The following GBP7 variants were observed in gnomAD, a reference collection of about 807,000 sequenced individuals.
The protein encoded by GBP7 is guanylate binding protein 7.
Under a neutral mutation model 61.3 loss-of-function variants are expected in GBP7, and 43 were observed. That is an observed-to-expected ratio of 0.70 (90% confidence interval 0.55 to 0.91). The LOEUF is 0.91. GBP7 is among the 40% of genes least tolerant of loss of function. The pLI is 0.00. For synonymous variants in GBP7, 267 were observed against 271.0 expected, an observed-to-expected ratio of 0.99 and a Z score of 0.14; for missense variants, 717 against 740.5, an observed-to-expected ratio of 0.97 and a Z score of 0.37.
At chr1:89,143,890 A>G (rs1462616054) in intron 8 of GBP7, among the ~76,000 whole-genome samples, 1 of 152,116 alleles carries the variant, frequency 6.6e-6, no homozygotes, top group East Asian at 1.9e-4. Context: ...AAATAGCCCA[A>G]CTTGATCAAT....
chr1:89,149,646 A>C, intron 6 of GBP7, 74 bp from the exon 7 acceptor site: 1 of 1,296,420 alleles, frequency 7.7e-7, no homozygotes, highest in Admixed American at 2.6e-5. Context: ...ATGTATCAGC[A>C]TTCTAAAAAT....
At chr1:89,149,054 T>C (rs917635081) in intron 7 of GBP7, among the ~76,000 whole-genome samples, 2 of 152,190 alleles carry the variant, frequency 1.3e-5, no homozygotes, top group Non-Finnish European at 2.9e-5. Context: ...AGTTAGTATG[T>C]TGTATAAATG....
At chr1:89,140,974 A>T (rs970323478) in intron 9 of GBP7, among the ~76,000 whole-genome samples, 1 of 152,216 alleles carries the variant, frequency 6.6e-6, no homozygotes, top group Non-Finnish European at 1.5e-5. Flanking sequence ...ACATGTTCTT[A>T]CTTATGAGTG....
chr1:89,136,811 T>C (rs981031012), intron 9 of GBP7, among the ~76,000 whole-genome samples: 4 of 151,756 alleles, frequency 2.6e-5, no homozygotes, highest in Admixed American at 2.6e-4. Flanking sequence ...AAAATCAGAC[T>C]TGAAGTGAAT....
At chr1:89,157,438 A>G (rs747744593) in intron 3 of GBP7, among the ~76,000 whole-genome samples, 9 of 152,192 alleles carry the variant, frequency 5.9e-5, no homozygotes, top group Non-Finnish European at 1.2e-4. Flanking sequence ...GAAAAGATCA[A>G]CAAAATTGAT....
intron 2 of GBP7, among the ~76,000 whole-genome samples, chr1:89,167,095 TTC>T (rs1376193881): frequency 6.6e-6 from 1 of 152,174 alleles, no homozygotes; most frequent in Non-Finnish European, 1.5e-5. Context: ...GAGAACTACT[TTC>T]TCTCTTGTTA....
intron 8 of GBP7, among the ~76,000 whole-genome samples, chr1:89,143,514 A>T (rs1047021875): frequency 1.3e-5 from 2 of 152,186 alleles, no homozygotes; most frequent in Non-Finnish European, 2.9e-5. Flanking sequence ...TAGGATCTAC[A>T]TTTAATTTTT....
chr1:89,141,508 C>CT (rs767567109), intron 9 of GBP7, 38 bp downstream of exon 9: 4 of 1,563,056 alleles, frequency 2.6e-6, no homozygotes, highest in South Asian at 2.2e-5. Flanking sequence ...TTGCAAGAAC[C>CT]TACCCATTTG....
chr1:89,164,070 A>C (rs933540232), intron 3 of GBP7, among the ~76,000 whole-genome samples: 22 of 152,030 alleles, frequency 1.4e-4, no homozygotes. Flanking sequence ...GGGTTTCACC[A>C]TGTTGGCTAG....
At chr1:89,138,402 T>C (rs1431685413) in intron 9 of GBP7, among the ~76,000 whole-genome samples, 1 of 151,980 alleles carries the variant, frequency 6.6e-6, no homozygotes, top group African/African-American at 2.4e-5. Context: ...ATCACATGAC[T>C]TGAGTTTAAA....
intron 3 of GBP7, among the ~76,000 whole-genome samples, chr1:89,159,215 A>G (rs1475813298): frequency 2.0e-5 from 3 of 152,162 alleles, no homozygotes; most frequent in Admixed American, 6.6e-5. Flanking sequence ...ATTAATTGAA[A>G]TGGATTAAAG....
At chr1:89,165,803 A>T (rs960886268) in intron 2 of GBP7, among the ~76,000 whole-genome samples, 1 of 152,072 alleles carries the variant, frequency 6.6e-6, no homozygotes, top group Non-Finnish European at 1.5e-5. Flanking sequence ...GTATTAGGAG[A>T]AATGCCTAAT....
intron 8 of GBP7, among the ~76,000 whole-genome samples, 180 bp downstream of exon 8, chr1:89,147,386 AT>A (rs1682093883): frequency 6.6e-6 from 1 of 152,196 alleles, no homozygotes; most frequent in African/African-American, 2.4e-5. Flanking sequence ...GGGAAAAAAA[AT>A]AGTTCTGTTT....
chr1:89,138,718 A>G (rs1681868518), intron 9 of GBP7, among the ~76,000 whole-genome samples: 1 of 152,190 alleles, frequency 6.6e-6, no homozygotes, highest in East Asian at 1.9e-4. Flanking sequence ...ATTTAAAACT[A>G]TAAAACCACC....
intron 5 of GBP7, 43 bp downstream of exon 5, chr1:89,152,225 A>T (rs763585504): frequency 6.3e-7 from 1 of 1,577,370 alleles, no homozygotes; most frequent in African/African-American, 1.3e-5. Flanking sequence ...AGTTGATCCC[A>T]CCCGCTACTG....
At chr1:89,149,856 G>GA (rs59262730) in intron 6 of GBP7, among the ~76,000 whole-genome samples, 1,840 of 143,906 alleles carry the variant, frequency 0.013, 32 homozygotes, top group African/African-American at 0.041. Flanking sequence ...AGGGTTTCTT[G>GA]AAAAAAAAAA....
In GBP7 at chr1:89,141,561, C is replaced by T. The variant is rs763982688; in HGVS notation, c.1453G>A (p.Glu485Lys). ...GCCCCTGTACCTGCTATGGCCTTCT[C>T]TCCAGCAGTGAGGGCTTTGTCTGAC... ...LQSDKALTAG[E>K]KAIAAKQAKK... is the part of the protein sequence containing the mutation. Residue 485 changes from glutamate to lysine, a missense_variant, in exon 9 of 11, where the codon GAG (glutamate) becomes AAG (lysine). By Grantham distance (56) the Glu-to-Lys change is moderately conservative. Transcript: ENST00000294671. 2 of 1,613,848 alleles carry T rather than the reference C, an allele frequency of 1.2e-6. No individual in the cohort carries two copies. Among genetic ancestry groups the T allele is most frequent in the East Asian group, 2.2e-5 (1 of 44,882 alleles).
intron 9 of GBP7, among the ~76,000 whole-genome samples, chr1:89,139,626 G>A (rs572759411): frequency 9.6e-4 from 146 of 152,328 alleles, no homozygotes; most frequent in Non-Finnish European, 1.7e-3. Flanking sequence ...CAAAAAGTGG[G>A]TGAAGGATAT....
intron 9 of GBP7, 114 bp downstream of exon 9, chr1:89,141,432 G>A: frequency 1.3e-6 from 1 of 798,892 alleles, no homozygotes. Context: ...AGCAGAGCAT[G>A]TGTTCCCTAT....
Sources: gnomAD v4.1 joint callset for allele counts (sites outside exome capture counted in the v4.1 genomes callset) on GRCh38, gnomAD v4.1.1 for gene constraint, MANE v1.5 for transcripts, NCBI Gene and HGNC (gene_info 2026-07-23, HGNC 2026-07-21) for gene names.